TP63: variants seen among roughly 807,000 people sequenced by gnomAD.
TP63 encodes the protein tumor protein 63.
In TP63, 17 loss-of-function variants were observed where a neutral mutation model predicts 82.8. The observed-to-expected ratio is 0.21, with a 90% CI of 0.14 to 0.31. The LOEUF is 0.31. Ranked by LOEUF, TP63 falls within the 10% of genes least tolerant of loss-of-function variation. The probability of loss-of-function intolerance (pLI) is 1.00; values close to 1 mark genes in which losing one functional copy is unlikely to be tolerated. For missense variants in TP63, 648 were observed against 895.3 expected (o/e 0.72, Z 3.52); for synonymous variants, 330 against 321.7 (o/e 1.03, Z -0.28).
At chr3:189,603,651 A>T in the TP63 span, among the ~76,000 whole-genome samples, 4 of 2,256 alleles carry the variant, frequency 1.8e-3, no homozygotes, top group Non-Finnish European at 8.3e-3. Flanking sequence ...TGCCTTCATT[A>T]AAAAAAAAAA....
chr3:189,698,188 G>A (rs1271786809), intron 1 of TP63, among the ~76,000 whole-genome samples: 1 of 152,050 alleles, frequency 6.6e-6, no homozygotes, highest in Non-Finnish European at 1.5e-5. Context: ...TCTATGTCAA[G>A]TTGAGGAATT....
At chr3:189,736,081 A>T (rs1418807577) in intron 1 of TP63, among the ~76,000 whole-genome samples, 2 of 149,760 alleles carry the variant, frequency 1.3e-5, no homozygotes, top group African/African-American at 4.9e-5. Flanking sequence ...ATTTTGAGAT[A>T]TATATTATTT....
intron 3 of TP63, among the ~76,000 whole-genome samples, chr3:189,773,898 T>C (rs1723563089): frequency 6.7e-6 from 1 of 148,272 alleles, no homozygotes; most frequent in South Asian, 2.1e-4. Flanking sequence ...CACATATCCA[T>C]GTATTGTGTC....
At chr3:189,635,258 C>T (rs1257577995) in intron 1 of TP63, among the ~76,000 whole-genome samples, 1 of 152,004 alleles carries the variant, frequency 6.6e-6, no homozygotes, top group Non-Finnish European at 1.5e-5. Flanking sequence ...TTATTCTTTA[C>T]TGGCGTAAAG....
intron 1 of TP63, among the ~76,000 whole-genome samples, chr3:189,683,197 G>T (rs1716126649): frequency 6.6e-6 from 1 of 152,018 alleles, no homozygotes; most frequent in South Asian, 2.1e-4. Context: ...CATATCTAAT[G>T]AATATTAGAT....
chr3:189,718,213 G>T (rs1371824195), intron 1 of TP63, among the ~76,000 whole-genome samples: 1 of 152,134 alleles, frequency 6.6e-6, no homozygotes, highest in Non-Finnish European at 1.5e-5. Flanking sequence ...CCTGGGATAG[G>T]AGTGATCTTG....
the TP63 span, among the ~76,000 whole-genome samples, chr3:189,606,729 T>A: frequency 6.6e-6 from 1 of 151,984 alleles, no homozygotes; most frequent in East Asian, 1.9e-4. Context: ...GGTCTCCAAC[T>A]CCTACTCCTG....
chr3:189,676,642 G>A (rs1319063617), intron 1 of TP63, among the ~76,000 whole-genome samples: 1 of 151,850 alleles, frequency 6.6e-6, no homozygotes, highest in East Asian at 1.9e-4. Flanking sequence ...TGTGTTACAT[G>A]GATACATTGG....
At chr3:189,825,041 G>T (rs543568634) in intron 4 of TP63, among the ~76,000 whole-genome samples, 1 of 152,248 alleles carries the variant, frequency 6.6e-6, no homozygotes, top group East Asian at 1.9e-4. Context: ...CGTGTGTTTT[G>T]TTTTGCTTCT....
chr3:189,629,174 T>G (rs1729381488), upstream of TP63, among the ~76,000 whole-genome samples: 1 of 151,962 alleles, frequency 6.6e-6, no homozygotes, highest in African/African-American at 2.4e-5. Context: ...GTCCAGCAGT[T>G]TGAGACCAGT....
At chr3:189,820,041 G>A (rs535548141) in intron 4 of TP63, among the ~76,000 whole-genome samples, 1 of 152,188 alleles carries the variant, frequency 6.6e-6, no homozygotes, top group South Asian at 2.1e-4. Context: ...GAGCCACCAC[G>A]CCCAGCCCTA....
intron 3 of TP63, among the ~76,000 whole-genome samples, chr3:189,749,507 T>A (rs188102053): frequency 6.6e-6 from 1 of 152,152 alleles, no homozygotes; most frequent in East Asian, 1.9e-4. Flanking sequence ...CTTATGCCAG[T>A]TAGTTTATTT....
At chr3:189,781,968 T>C (rs950952420) in intron 3 of TP63, among the ~76,000 whole-genome samples, 3 of 152,134 alleles carry the variant, frequency 2.0e-5, no homozygotes, top group Non-Finnish European at 4.4e-5. Context: ...ATGCCGAATA[T>C]ATAATGACAC....
intron 1 of TP63, among the ~76,000 whole-genome samples, chr3:189,638,266 C>T (rs1711521065): frequency 6.6e-6 from 1 of 152,086 alleles, no homozygotes; most frequent in Admixed American, 6.5e-5. Flanking sequence ...ATGCGTTTAA[C>T]TAAACCTTCC....
At chr3:189,635,684 G>A (rs149415368) in intron 1 of TP63, among the ~76,000 whole-genome samples, 1 of 152,118 alleles carries the variant, frequency 6.6e-6, no homozygotes, top group East Asian at 1.9e-4. Flanking sequence ...TTCAAGCTTA[G>A]GAGGAGTAAC....
At chr3:189,625,453 TA>T in the TP63 span, among the ~76,000 whole-genome samples, 6 of 149,556 alleles carry the variant, frequency 4.0e-5, no homozygotes, top group Middle Eastern at 3.5e-3. Context: ...TAAAAGATAC[TA>T]AAAAAAAAAG....
chr3:189,608,113 G>T, the TP63 span, among the ~76,000 whole-genome samples: 7 of 152,216 alleles, frequency 4.6e-5, no homozygotes, highest in East Asian at 1.3e-3. Flanking sequence ...ATTTATGGAG[G>T]TAATCAAATT....
At chr3:189,697,237 T>TG (rs1483491518) in intron 1 of TP63, among the ~76,000 whole-genome samples, 2 of 151,236 alleles carry the variant, frequency 1.3e-5, no homozygotes, top group Non-Finnish European at 3.0e-5. Flanking sequence ...GGTTCAGTTT[T>TG]TTTTTTTTTT....
chr3:189,882,373 A>G, intron 10 of TP63, among the ~76,000 whole-genome samples: 1 of 152,102 alleles, frequency 6.6e-6, no homozygotes. Flanking sequence ...TAGTAGCCAG[A>G]TAACCCGGCT....
Sources: allele counts gnomAD v4.1 joint callset (sites outside exome capture counted in the v4.1 genomes callset), GRCh38; gene constraint gnomAD v4.1.1; transcripts MANE v1.5; gene names NCBI Gene and HGNC (gene_info 2026-07-23, HGNC 2026-07-21).